The following GRAP2 variants were observed in gnomAD, a reference collection of about 807,000 sequenced individuals.
The protein encoded by GRAP2 is GRB2 related adaptor protein 2.
Under a neutral mutation model 43.5 loss-of-function variants are expected in GRAP2, and 31 were observed. The ratio of observed to expected loss-of-function variants is 0.71; its 90% CI spans 0.54 to 0.96. GRAP2 has a LOEUF of 0.96. Among genes scored for constraint, GRAP2 ranks in the 40% least tolerant of loss-of-function variants. GRAP2 has a pLI of 0.00. For missense variants in GRAP2, 371 were observed against 424.4 expected, an observed-to-expected ratio of 0.87 and a Z score of 1.11; for synonymous variants, 156 against 164.8, an observed-to-expected ratio of 0.95 and a Z score of 0.41.
rs1164470654 is a variant in GRAP2 at position 39,969,496 on chromosome 22, G to A, written c.776G>A (p.Arg259Gln). ...GAAATGAATGCGGCCCTCATGCATC[G>A]GAGACACACAGACCCAGTGCAGCTC... ...GSEMNAALMHRRHTDPVQLQA... is the reference protein window; with the variant it reads ...GSEMNAALMHQRHTDPVQLQA... Residue 259 changes from arginine to glutamine, a missense_variant, in exon 7 of 8, where the codon CGG (arginine) becomes CAG (glutamine). Physicochemically the swap from Arg to Gln is conservative, Grantham distance 43. Coordinates refer to ENST00000344138, the MANE Select transcript of GRAP2 (RefSeq NM_004810.4). 1.9e-6 allele frequency: 3 copies of A among 1,614,038 alleles called. No homozygotes were observed. The highest frequency in any genetic ancestry group is 2.5e-6 in the Non-Finnish European group (3 of 1,179,934).
At chr22:39,970,881 C>T in intron 7 of GRAP2, 24 bp from the exon 8 acceptor site, 1 of 1,568,128 alleles carries the variant, frequency 6.4e-7, no homozygotes, top group Non-Finnish European at 8.6e-7. Context: ...CTCAGCAGAG[C>T]CTCTTCTGTG....
At chr22:39,915,474 A>G (rs535953569) in intron 1 of GRAP2, among the ~76,000 whole-genome samples, 2 of 152,094 alleles carry the variant, frequency 1.3e-5, no homozygotes, top group South Asian at 4.2e-4. Flanking sequence ...CAAAGCCACA[A>G]TCGTGTCATC....
intron 1 of GRAP2, among the ~76,000 whole-genome samples, chr22:39,916,072 C>A (rs1244136503): frequency 6.6e-6 from 1 of 152,196 alleles, no homozygotes; most frequent in African/African-American, 2.4e-5. Context: ...GGGCTAACCC[C>A]CAATCCACCC....
At chr22:39,933,544 A>G (rs1805211540) in intron 1 of GRAP2, among the ~76,000 whole-genome samples, 2 of 152,172 alleles carry the variant, frequency 1.3e-5, no homozygotes. Context: ...TGACCCTCAG[A>G]AAGTTGTGTG....
At chr22:39,914,516 C>A (rs535003374) in intron 1 of GRAP2, among the ~76,000 whole-genome samples, 37 of 152,272 alleles carry the variant, frequency 2.4e-4, no homozygotes, top group African/African-American at 8.9e-4. Flanking sequence ...AAACAAAGTT[C>A]TTTTCCATGG....
chr22:39,897,822 C>T (rs570009920), upstream of GRAP2, among the ~76,000 whole-genome samples: 1 of 152,120 alleles, frequency 6.6e-6, no homozygotes, highest in South Asian at 2.1e-4. Flanking sequence ...GCCTGGCCAA[C>T]AGTAGGCTCC....
At chr22:39,894,310 C>A in the GRAP2 span, among the ~76,000 whole-genome samples, 5 of 149,748 alleles carry the variant, frequency 3.3e-5, no homozygotes, top group African/African-American at 1.2e-4. Context: ...AGTAAACTAT[C>A]GCAAGAACAA....
intron 2 of GRAP2, among the ~76,000 whole-genome samples, chr22:39,954,670 C>T (rs2067027851): frequency 6.6e-6 from 1 of 152,166 alleles, no homozygotes. Flanking sequence ...GCTGGGATTA[C>T]AGGCGCGAGC....
chr22:39,904,783 G>T (rs1219705233), intron 1 of GRAP2, among the ~76,000 whole-genome samples: 5 of 152,086 alleles, frequency 3.3e-5, no homozygotes, highest in Non-Finnish European at 7.4e-5. Context: ...AACATATTTT[G>T]CAGTTGGGTC....
rs1050453463 is a variant in GRAP2 at position 39,939,301 on chromosome 22, G to A, written c.-14-7792G>A. On this transcript the variant is annotated intron_variant, in intron 1 of 7. Transcript: ENST00000344138. Reference sequence around the variant, plus strand: ...GTCCTGGCCTGGCGCGGTGGCTCGCGCCTGTAATCCCAGCACTTTGGGAGG... The same window carrying A: ...GTCCTGGCCTGGCGCGGTGGCTCGCACCTGTAATCCCAGCACTTTGGGAGG... 1.4e-4 allele frequency among the ~76,000 whole-genome samples: 21 copies of A among 152,218 alleles called. 1 individual carries two copies. The South Asian group carries it at 1.7e-3, about 12-fold the overall frequency.
At chr22:39,938,007 G>A (rs568819275) in intron 1 of GRAP2, among the ~76,000 whole-genome samples, 1 of 152,268 alleles carries the variant, frequency 6.6e-6, no homozygotes, top group Non-Finnish European at 1.5e-5. Context: ...GATTATATAA[G>A]CCAGACTGGC....
At chr22:39,967,079 A>T (rs1175675262) in intron 5 of GRAP2, among the ~76,000 whole-genome samples, 1 of 152,248 alleles carries the variant, frequency 6.6e-6, no homozygotes, top group East Asian at 1.9e-4. Flanking sequence ...CATAGGAAGA[A>T]GCATTCACTA....
intron 1 of GRAP2, among the ~76,000 whole-genome samples, chr22:39,917,672 A>T (rs534205253): frequency 6.6e-6 from 1 of 152,358 alleles, no homozygotes; most frequent in Admixed American, 6.5e-5. Flanking sequence ...TGTAATTAGC[A>T]TTGAGACATT....
At chr22:39,964,365 G>A (rs2067149707) in intron 4 of GRAP2, 6 of 720,302 alleles carry the variant, frequency 8.3e-6, no homozygotes, top group South Asian at 1.5e-5. Flanking sequence ...GGGAAGGGGC[G>A]GCAGGCGCCA....
At chr22:39,961,999 C>T (rs1427594987) in intron 4 of GRAP2, among the ~76,000 whole-genome samples, 1 of 152,238 alleles carries the variant, frequency 6.6e-6, no homozygotes, top group Non-Finnish European at 1.5e-5. Flanking sequence ...TGCTTAAACT[C>T]TTTTCTTCAG....
intron 2 of GRAP2, among the ~76,000 whole-genome samples, chr22:39,954,802 A>G (rs1020362109): frequency 7.2e-5 from 11 of 152,230 alleles, no homozygotes; most frequent in African/African-American, 2.7e-4. Flanking sequence ...TCTGGTGAGT[A>G]ATATGAGTAA....
rs750643624 is a variant in GRAP2 at position 39,969,481 on chromosome 22, C to T, written c.761C>T (p.Ala254Val). ...CGTGLGSEMN[A>V]ALMHRRHTDP... Reference sequence around the variant, plus strand: ...ACCGGCTTGGGCAGTGAAATGAATGCGGCCCTCATGCATCGGAGACACACA... The same window carrying T: ...ACCGGCTTGGGCAGTGAAATGAATGTGGCCCTCATGCATCGGAGACACACA... Residue 254 changes from alanine (A) to valine (V), a missense_variant, in exon 7 of 8, where the codon GCG becomes GTG. Coordinates refer to ENST00000344138, the MANE Select transcript of GRAP2 (RefSeq NM_004810.4). 1.1e-5 allele frequency: 18 copies of T among 1,613,742 alleles called. No individual in the cohort carries two copies. Among genetic ancestry groups the T allele is most frequent in the African/African-American group, 1.3e-5 (1 of 75,012 alleles).
At chr22:39,908,460 G>A (rs2066537657) in intron 1 of GRAP2, among the ~76,000 whole-genome samples, 1 of 152,218 alleles carries the variant, frequency 6.6e-6, no homozygotes, top group Admixed American at 6.5e-5. Context: ...GGTAGTTCAG[G>A]GAGTCATATG....
chr22:39,968,496 C>T, intron 6 of GRAP2: 2 of 570,700 alleles, frequency 3.5e-6, no homozygotes, highest in Non-Finnish European at 3.1e-6. Flanking sequence ...CACACACACA[C>T]ACACACTTAA....
Sources: gnomAD v4.1 joint callset for allele counts (sites outside exome capture counted in the v4.1 genomes callset) on GRCh38, gnomAD v4.1.1 for gene constraint, MANE v1.5 for transcripts, NCBI Gene and HGNC (gene_info 2026-07-23, HGNC 2026-07-21) for gene names.